DACH1: variants seen among roughly 807,000 people sequenced by gnomAD.
The protein encoded by DACH1 is dachshund family transcription factor 1.
DACH1 carries 12 observed loss-of-function variants against 54.2 expected under a neutral mutation model. That is an observed-to-expected ratio of 0.22 (90% CI 0.14 to 0.36). The LOEUF is 0.36. Ranked by LOEUF, DACH1 falls within the 10% of genes least tolerant of loss-of-function variation. The probability of loss-of-function intolerance (pLI) is 1.00; values close to 1 mark genes in which losing one functional copy is unlikely to be tolerated. For synonymous variants in DACH1, 386 were observed against 366.2 expected, an observed-to-expected ratio of 1.05 and a Z score of -0.62; for missense variants, 805 against 929.8, an observed-to-expected ratio of 0.87 and a Z score of 1.75.
intron 4 of DACH1, among the ~76,000 whole-genome samples, chr13:71,572,242 G>A (rs554895077): frequency 3.3e-5 from 5 of 152,018 alleles, no homozygotes; most frequent in Admixed American, 6.5e-5. Flanking sequence ...TAACACATAC[G>A]ATGCACAAAC....
chr13:71,462,871 TACACACACAC>T (rs374818301), intron 10 of DACH1, among the ~76,000 whole-genome samples: 31 of 102,886 alleles, frequency 3.0e-4, no homozygotes, highest in African/African-American at 7.8e-4. Flanking sequence ...TCTATCTATC[TACACACACAC>T]ACACACACAC....
intron 6 of DACH1, among the ~76,000 whole-genome samples, chr13:71,548,875 C>T (rs757092368): frequency 1.3e-5 from 2 of 152,032 alleles, no homozygotes; most frequent in African/African-American, 4.8e-5. Flanking sequence ...ATGTTTTGTG[C>T]CACTGCACTC....
At chr13:71,602,862 AG>A (rs1235288390) in intron 3 of DACH1, among the ~76,000 whole-genome samples, 6 of 151,990 alleles carry the variant, frequency 3.9e-5, no homozygotes, top group African/African-American at 1.4e-4. Flanking sequence ...AGAGAAATCT[AG>A]GGAGGCAGAA....
rs1888449667 is a variant in DACH1 at position 71,828,143 on chromosome 13, G to C, written c.848+37779C>G. The stretch of plus-strand genomic sequence containing the variant: ...CACCTTTCCGCTCCTCTGTGAACAA[G>C]ATTTATATATAAATTAGCTTGAAAT... On this transcript the variant is annotated intron_variant, in intron 1 of 10. Coordinates refer to ENST00000613252, the MANE Select transcript of DACH1 (RefSeq NM_080759.6). 2.0e-5 allele frequency among the ~76,000 whole-genome samples: 3 copies of C among 151,928 alleles called. No homozygotes were observed. The South Asian group carries it at 6.2e-4, about 31-fold the overall frequency.
At chr13:71,451,974 A>G (rs1875100444) in intron 10 of DACH1, among the ~76,000 whole-genome samples, 2 of 152,222 alleles carry the variant, frequency 1.3e-5, no homozygotes, top group Admixed American at 6.5e-5. Context: ...CTTACTCTCA[A>G]ATGCTTCAGA....
intron 6 of DACH1, among the ~76,000 whole-genome samples, chr13:71,549,793 T>C (rs1372144586): frequency 6.6e-6 from 1 of 152,164 alleles, no homozygotes; most frequent in Non-Finnish European, 1.5e-5. Context: ...AGAGGGAATC[T>C]TGTTTGATTT....
At chr13:71,545,243 T>G (rs1019777567) in intron 6 of DACH1, among the ~76,000 whole-genome samples, 1 of 152,044 alleles carries the variant, frequency 6.6e-6, no homozygotes, top group African/African-American at 2.4e-5. Context: ...CCGAGGATAT[T>G]TTCTTACCCT....
At chr13:71,833,978 T>C (rs1888685278) in intron 1 of DACH1, among the ~76,000 whole-genome samples, 2 of 151,996 alleles carry the variant, frequency 1.3e-5, no homozygotes, top group Admixed American at 6.6e-5. Context: ...TCAGTATAAG[T>C]AATTTTGAAA....
chr13:71,833,010 T>C (rs17088514), intron 1 of DACH1, among the ~76,000 whole-genome samples: 13,431 of 152,006 alleles, frequency 0.088, 1,800 homozygotes, highest in African/African-American at 0.29. Flanking sequence ...GAAATCCATA[T>C]AGCTTCAGAA....
chr13:71,561,730 T>C (rs1054638353), intron 4 of DACH1, among the ~76,000 whole-genome samples: 1 of 152,136 alleles, frequency 6.6e-6, no homozygotes, highest in African/African-American at 2.4e-5. Context: ...TCGGTATCTT[T>C]TTAAAAGCTC....
chr13:71,455,479 T>C (rs1875482754), intron 10 of DACH1, among the ~76,000 whole-genome samples: 1 of 152,168 alleles, frequency 6.6e-6, no homozygotes, highest in Admixed American at 6.6e-5. Context: ...CAGATTTTCC[T>C]TAAAGAGCAA....
In DACH1 at chr13:71,774,036, C is replaced by G. The variant is rs561725351; in HGVS notation, c.848+91886G>C. On this transcript the variant is annotated intron_variant, in intron 1 of 10. Transcript: ENST00000613252. ...ACAAACAAGTTAGCTGCTCCAATGT[C>G]AAAGAAATGTTTTTAATAAACAAAT... 2.0e-3 allele frequency among the ~76,000 whole-genome samples: 301 copies of G among 150,482 alleles called. 1 individual carries two copies. Among genetic ancestry groups the G allele is most frequent in the South Asian group, 7.1e-3 (34 of 4,790 alleles).
intron 1 of DACH1, among the ~76,000 whole-genome samples, chr13:71,704,852 C>A (rs534992374): frequency 6.6e-6 from 1 of 151,932 alleles, no homozygotes; most frequent in South Asian, 2.1e-4. Context: ...GCTTATTGTG[C>A]AACAAATTGC....
At chr13:71,699,699 T>C (rs1566441558) in intron 1 of DACH1, among the ~76,000 whole-genome samples, 5 of 152,226 alleles carry the variant, frequency 3.3e-5, no homozygotes, top group Admixed American at 1.3e-4. Flanking sequence ...ATTTCTCTTG[T>C]TTTCAGTCTT....
intron 1 of DACH1, among the ~76,000 whole-genome samples, chr13:71,865,416 GCCCTGCGGAGCAGGTCACGACCTCC>G (rs1221396907): frequency 6.6e-6 from 1 of 152,128 alleles, no homozygotes; most frequent in East Asian, 1.9e-4. Context: ...CGCTCCCCGA[GCCCTGCGGAGCAGGTCACGACCTCC>G]CCCCGCCCCC....
intron 1 of DACH1, among the ~76,000 whole-genome samples, chr13:71,725,028 G>A (rs369717365): frequency 3.3e-5 from 5 of 151,894 alleles, no homozygotes; most frequent in African/African-American, 9.7e-5. Context: ...GGCAAAAAAC[G>A]GACTTTACAT....
At chr13:71,474,272 T>C (rs1877329885) in intron 10 of DACH1, among the ~76,000 whole-genome samples, 1 of 152,194 alleles carries the variant, frequency 6.6e-6, no homozygotes, top group African/African-American at 2.4e-5. Flanking sequence ...ATGACATATT[T>C]GGAGCTGATT....
intron 6 of DACH1, among the ~76,000 whole-genome samples, chr13:71,523,267 T>C (rs909950597): frequency 6.6e-6 from 1 of 152,146 alleles, no homozygotes; most frequent in African/African-American, 2.4e-5. Context: ...GTATTCAGAA[T>C]GAAATGCCAT....
chr13:71,690,907 G>A (rs895734380), intron 1 of DACH1, among the ~76,000 whole-genome samples: 1 of 152,186 alleles, frequency 6.6e-6, no homozygotes, highest in African/African-American at 2.4e-5. Context: ...ACTCGAGCCT[G>A]GATGACTAAG....
Sources: gnomAD v4.1 joint callset for allele counts (sites outside exome capture counted in the v4.1 genomes callset) on GRCh38, gnomAD v4.1.1 for gene constraint, MANE v1.5 for transcripts, NCBI Gene and HGNC (gene_info 2026-07-23, HGNC 2026-07-21) for gene names.